The following SDK1 variants were observed in gnomAD, a reference collection of about 807,000 sequenced individuals.
SDK1 encodes the protein protein sidekick-1.
In SDK1, 157 loss-of-function variants were observed where a neutral mutation model predicts 245.5. The observed-to-expected ratio is 0.64, with a 90% confidence interval of 0.56 to 0.73. The LOEUF (loss-of-function observed/expected upper bound fraction) is 0.73. Ranked by LOEUF, SDK1 falls within the 30% of genes least tolerant of loss-of-function variation. The pLI is 0.00. For missense variants in SDK1, 3,583 were observed against 3,002.3 expected (o/e 1.19, Z -4.52); for synonymous variants, 1,647 against 1,278.5 (o/e 1.29, Z -6.15).
At chr7:3,530,879 T>G (rs1012395758) in intron 1 of SDK1, among the ~76,000 whole-genome samples, 17 of 152,214 alleles carry the variant, frequency 1.1e-4, no homozygotes, top group African/African-American at 3.6e-4. Context: ...ATAAAAACAT[T>G]GTCCACAAGT....
At position 4,149,394 on chromosome 7, in the gene SDK1, T is replaced by C; in HGVS notation, c.4556T>C (p.Leu1519Pro). The change falls in exon 30 of 45, where the codon CTG (leucine) becomes CCG (proline). Residue 1519 changes from leucine to proline, a missense_variant. Physicochemically the swap from Leu to Pro is moderately conservative, Grantham distance 98. Transcript: ENST00000404826. ...IRYFTMQVRE[L>P]PRGEWQTYSS... The stretch of plus-strand genomic sequence containing the variant: ...TACTTCACCATGCAGGTGCGAGAGC[T>C]GCCTCGGGGTGAGTGGCAGACCTAC... 6.3e-7 allele frequency: 1 copy of C among 1,582,448 alleles called. No homozygotes were observed. The highest frequency in any genetic ancestry group is 8.6e-7 in the Non-Finnish European group (1 of 1,165,304).
At position 3,942,785 on chromosome 7, in the gene SDK1, T is replaced by C. The variant is rs528739691; in HGVS notation, c.848-8138T>C. On this transcript the variant is annotated intron_variant, in intron 5 of 44. Transcript: ENST00000404826. Reference sequence around the variant, plus strand: ...AAACCCTGGAGATTGTTTTTAATCTTAGAATTTGTGGCACTTGTACTACGG... The same window carrying C: ...AAACCCTGGAGATTGTTTTTAATCTCAGAATTTGTGGCACTTGTACTACGG... Among the ~76,000 whole-genome samples, 13 of 152,330 alleles carry C rather than the reference T, an allele frequency of 8.5e-5. No homozygotes were observed. The South Asian group carries it at 1.7e-3, about 19-fold the overall frequency.
At chr7:3,496,069 A>G (rs1387962739) in intron 1 of SDK1, among the ~76,000 whole-genome samples, 1 of 152,172 alleles carries the variant, frequency 6.6e-6, no homozygotes, top group Non-Finnish European at 1.5e-5. Flanking sequence ...GAGAGCTGAT[A>G]ACGGTCTTTA....
At chr7:3,594,260 C>T (rs1293840669) in intron 1 of SDK1, among the ~76,000 whole-genome samples, 1 of 152,176 alleles carries the variant, frequency 6.6e-6, no homozygotes, top group Non-Finnish European at 1.5e-5. Context: ...CAAGGCTCAT[C>T]CATGTTGCAA....
chr7:3,547,714 C>A (rs1779274575), intron 1 of SDK1, among the ~76,000 whole-genome samples: 1 of 152,120 alleles, frequency 6.6e-6, no homozygotes, highest in African/African-American at 2.4e-5. Flanking sequence ...TATTTCTTAC[C>A]CTTTTGGATA....
intron 35 of SDK1, among the ~76,000 whole-genome samples, chr7:4,198,358 G>T (rs1429822145): frequency 1.3e-5 from 2 of 152,208 alleles, no homozygotes; most frequent in African/African-American, 4.8e-5. Context: ...GGTGTTGGCT[G>T]GGACACCTGG....
At chr7:4,018,902 A>T (rs1786647043) in intron 17 of SDK1, among the ~76,000 whole-genome samples, 2 of 152,200 alleles carry the variant, frequency 1.3e-5, no homozygotes, top group Non-Finnish European at 2.9e-5. Flanking sequence ...AGACAAAAAA[A>T]ATGAATTGAT....
chr7:4,198,080 C>A (rs904602000), intron 35 of SDK1, among the ~76,000 whole-genome samples: 1 of 146,982 alleles, frequency 6.8e-6, no homozygotes, highest in Non-Finnish European at 1.5e-5. Flanking sequence ...GGCTGCAGGA[C>A]GTGGTCACTG....
chr7:3,861,282 A>G (rs948713171), intron 5 of SDK1, among the ~76,000 whole-genome samples: 1 of 152,234 alleles, frequency 6.6e-6, no homozygotes, highest in African/African-American at 2.4e-5. Context: ...CAGGAAAGAC[A>G]TTGCTGTCAT....
intron 1 of SDK1, among the ~76,000 whole-genome samples, chr7:3,529,849 G>A (rs565605146): frequency 1.3e-5 from 2 of 152,232 alleles, no homozygotes; most frequent in African/African-American, 4.8e-5. Flanking sequence ...GATGGGCACC[G>A]CATCCTTGCT....
At chr7:3,588,469 C>T (rs1328254089) in intron 1 of SDK1, among the ~76,000 whole-genome samples, 1 of 152,178 alleles carries the variant, frequency 6.6e-6, no homozygotes, top group African/African-American at 2.4e-5. Flanking sequence ...TGAAAGCCCC[C>T]AGCTCGAAGT....
intron 38 of SDK1, among the ~76,000 whole-genome samples, chr7:4,213,057 G>C (rs1033998870): frequency 6.6e-6 from 1 of 152,154 alleles, no homozygotes; most frequent in Non-Finnish European, 1.5e-5. Context: ...GAGGTGGGCG[G>C]ATCACAAGGT....
intron 5 of SDK1, among the ~76,000 whole-genome samples, chr7:3,841,465 C>T (rs1780155779): frequency 6.6e-6 from 1 of 152,318 alleles, no homozygotes; most frequent in South Asian, 2.1e-4. Context: ...GGACTAACAT[C>T]TTGCGCTAAT....
intron 1 of SDK1, among the ~76,000 whole-genome samples, chr7:3,384,983 C>G (rs1781574790): frequency 6.6e-6 from 1 of 152,198 alleles, no homozygotes. Flanking sequence ...TGTCCCCTGG[C>G]TTAAAGTGTG....
chr7:3,679,526 C>A (rs1784031941), intron 4 of SDK1, among the ~76,000 whole-genome samples: 1 of 151,866 alleles, frequency 6.6e-6, no homozygotes, highest in African/African-American at 2.4e-5. Context: ...GAGATCGTGC[C>A]ACTGCACTCC....
intron 2 of SDK1, among the ~76,000 whole-genome samples, chr7:3,627,484 C>T: frequency 6.6e-6 from 1 of 152,238 alleles, no homozygotes; most frequent in South Asian, 2.1e-4. Context: ...CAGAGGAGAT[C>T]CTGAGTTTGA....
intron 5 of SDK1, among the ~76,000 whole-genome samples, chr7:3,950,130 C>T (rs1780741560): frequency 6.6e-6 from 1 of 152,210 alleles, no homozygotes; most frequent in Non-Finnish European, 1.5e-5. Flanking sequence ...CTCAGCCACA[C>T]AACACACAGA....
intron 1 of SDK1, among the ~76,000 whole-genome samples, chr7:3,560,328 C>A (rs1779708838): frequency 6.6e-6 from 1 of 151,954 alleles, no homozygotes; most frequent in Non-Finnish European, 1.5e-5. Context: ...TGTCTTTTAT[C>A]TTTATTTCAT....
At chr7:3,577,403 G>T (rs1041192627) in intron 1 of SDK1, among the ~76,000 whole-genome samples, 2 of 152,038 alleles carry the variant, frequency 1.3e-5, no homozygotes, top group Non-Finnish European at 1.5e-5. Flanking sequence ...GGCCCATGAT[G>T]TCTGACCATG....
Sources: allele counts gnomAD v4.1 joint callset (sites outside exome capture counted in the v4.1 genomes callset), GRCh38; gene constraint gnomAD v4.1.1; transcripts MANE v1.5; gene names NCBI Gene and HGNC (gene_info 2026-07-23, HGNC 2026-07-21).